Variants in ABCG5 observed in about 807,000 individuals in gnomAD.
The protein encoded by ABCG5 is ATP-binding cassette sub-family G member 5.
Under a neutral mutation model 64.5 loss-of-function variants are expected in ABCG5, and 64 were observed. That is an observed-to-expected ratio of 0.99 (90% CI 0.81 to 1.22). The LOEUF (loss-of-function observed/expected upper bound fraction) is 1.22. Ranked by LOEUF, ABCG5 falls within the 50% of genes most tolerant of loss-of-function variation. ABCG5 has a pLI of 0.00. For synonymous variants in ABCG5, 385 were observed against 326.3 expected (o/e 1.18, Z -1.94); for missense variants, 908 against 829.5 (o/e 1.09, Z -1.16).
At chr2:43,829,538 C>T (rs986855874) in intron 4 of ABCG5, among the ~76,000 whole-genome samples, 1 of 152,156 alleles carries the variant, frequency 6.6e-6, no homozygotes, top group African/African-American at 2.4e-5. Context: ...AAATTCTTTA[C>T]TGAATTTCTA....
downstream of ABCG5, chr2:43,810,574 G>A (rs1045686489): frequency 1.9e-5 from 18 of 944,634 alleles, no homozygotes; most frequent in Admixed American, 1.9e-4. Flanking sequence ...GTTCTTCCAT[G>A]TCCACATACA....
chr2:43,820,582 CAGGT>C (rs1397362561), intron 10 of ABCG5, among the ~76,000 whole-genome samples: 1 of 152,190 alleles, frequency 6.6e-6, no homozygotes, highest in Non-Finnish European at 1.5e-5. Flanking sequence ...TGTCCTCGAT[CAGGT>C]TAGCCCTCCC....
At chr2:43,823,392 C>G (rs998495938) in intron 9 of ABCG5, among the ~76,000 whole-genome samples, 1 of 150,350 alleles carries the variant, frequency 6.7e-6, no homozygotes, top group Non-Finnish European at 1.5e-5. Flanking sequence ...TCTAGAGCAA[C>G]TTCACAATAG....
Position 43,838,663 on chromosome 2 carries a change from G to A in ABCG5, c.17C>T (p.Ser6Phe). ...ACCCATGGACCCTCCGGGGGTCAAA[G>A]ATGAGAGGTCACCCATGGCCAACAG... MGDLS[S>F]LTPGGSMGLQ... is the part of the protein sequence containing the mutation. Residue 6 changes from serine to phenylalanine, a missense_variant, in exon 1 of 13, where the codon TCT becomes TTT. Transcript: ENST00000405322. The surrounding 1 kb of genome is among the most constrained non-coding windows in gnomAD (Gnocchi z 4.2). 6.2e-7 allele frequency: 1 copy of A among 1,613,722 alleles called. No individual in the cohort carries two copies. The highest frequency in any genetic ancestry group is 8.5e-7 in the Non-Finnish European group (1 of 1,179,986).
chr2:43,824,769 T>G, intron 7 of ABCG5, 120 bp downstream of exon 7: 1 of 1,506,142 alleles, frequency 6.6e-7, no homozygotes, highest in South Asian at 1.2e-5. Context: ...CCTTGAAGAG[T>G]ATAAAACACA....
rs765847597 is a variant in ABCG5 at position 43,825,013 on chromosome 2, A to G, written c.780T>C (p.Phe260=). 32 of 1,613,632 alleles carry G rather than the reference A, an allele frequency of 2.0e-5. No individual in the cohort carries two copies. In the Admixed American group the frequency reaches 5.2e-4, roughly 26 times the overall value. ...HQPRSELFQL[F]DKIAILSFGE... ...CGAAGCTCAGGATGGCAATTTTGTC[A>G]AAGAGCTGACCAGACAACAGACGTA... Residue 260 remains phenylalanine (F), a synonymous_variant, in exon 7 of 13, where the codon TTT becomes TTC. Coordinates refer to ENST00000405322, the MANE Select transcript of ABCG5 (RefSeq NM_022436.3).
downstream of ABCG5, chr2:43,810,576 C>A: frequency 1.1e-6 from 1 of 938,610 alleles, no homozygotes; most frequent in Non-Finnish European, 1.3e-6. Context: ...TCTTCCATGT[C>A]CACATACAAA....
At position 43,831,755 on chromosome 2, in the gene ABCG5, G is replaced by A. The variant is rs747305034; in HGVS notation, c.501+14C>T. The A allele has an allele frequency of 3.8e-6, 6 of 1,566,168 alleles. No individual in the cohort carries two copies. The highest frequency in any genetic ancestry group is 2.3e-5 in the East Asian group (1 of 43,428). ...TACTCAGTTTGCCCTCTGTGAGCGG[G>A]GGGCTGCACCCACCTTCTTCTGGAA... On this transcript the variant is annotated intron_variant, in intron 4 of 12. Transcript: ENST00000405322.
rs1375683806 is a variant in ABCG5 at position 43,838,412 on chromosome 2, G to A, written c.143+125C>T. The A allele has an allele frequency of 1.8e-5, 16 of 896,998 alleles. No individual in the cohort carries two copies. The highest frequency in any genetic ancestry group is 3.4e-5 in the African/African-American group (2 of 59,604). 55.6% of individuals were successfully genotyped at this position (896,998 alleles called of 1,614,324 possible). ...CCTTCTCCCTCTCCTCTCTCCACCCGATCCACTAAAGAGGGAGCCCGAAGT... is the reference window on the plus strand; with the variant it reads ...CCTTCTCCCTCTCCTCTCTCCACCCAATCCACTAAAGAGGGAGCCCGAAGT... On this transcript the variant is annotated intron_variant, in intron 1 of 12. Transcript: ENST00000405322. The surrounding 1 kb of genome is among the most constrained non-coding windows in gnomAD (Gnocchi z 4.2).
At chr2:43,823,404 G>A (rs542855285) in intron 9 of ABCG5, among the ~76,000 whole-genome samples, 5 of 151,930 alleles carry the variant, frequency 3.3e-5, no homozygotes, top group Admixed American at 6.6e-5. Flanking sequence ...TCACAATAGC[G>A]AAGTCCTTCC....
chr2:43,821,435 A>G (rs911036639), intron 10 of ABCG5, among the ~76,000 whole-genome samples: 1 of 152,122 alleles, frequency 6.6e-6, no homozygotes, highest in African/African-American at 2.4e-5. Flanking sequence ...GGACTTAAAT[A>G]TTACTCAAAA....
rs137996263 is a variant in ABCG5 at position 43,813,220 on chromosome 2, A to G, written c.1852T>C (p.Ser618Pro). The G allele has an allele frequency of 1.2e-5, 20 of 1,612,078 alleles. No individual in the cohort carries two copies. Among genetic ancestry groups the G allele is most frequent in the Admixed American group, 3.3e-5 (2 of 59,986 alleles). Residue 618 changes from serine (S) to proline (P), a missense_variant, in exon 13 of 13, where the codon TCT becomes CCT. Ser to Pro is a moderately conservative substitution (Grantham distance 74). Coordinates refer to ENST00000405322, the MANE Select transcript of ABCG5 (RefSeq NM_022436.3). Reference sequence around the variant, plus strand: ...ATCAGAAAGTTCATTGTGAATCTAGATGTTGCACCTGGGCAGGTTTTCTCA... The same window carrying G: ...ATCAGAAAGTTCATTGTGAATCTAGGTGTTGCACCTGGGCAGGTTTTCTCA... ...FIEKTCPGAT[S>P]RFTMNFLILY...
chr2:43,829,581 G>A (rs555985377), intron 4 of ABCG5, among the ~76,000 whole-genome samples: 69 of 151,994 alleles, frequency 4.5e-4, no homozygotes, highest in Non-Finnish European at 9.1e-4. Flanking sequence ...CTCCCTCACT[G>A]TCTTTCCTTC....
intron 4 of ABCG5, 79 bp from the exon 5 acceptor site, chr2:43,828,194 A>G: frequency 6.2e-7 from 1 of 1,602,384 alleles, no homozygotes; most frequent in Non-Finnish European, 8.5e-7. Flanking sequence ...GAGGACATGA[A>G]AGAGGCAGCA....
intron 2 of ABCG5, among the ~76,000 whole-genome samples, chr2:43,835,998 A>G (rs1009969682): frequency 6.6e-6 from 1 of 151,652 alleles, no homozygotes; most frequent in African/African-American, 2.4e-5. Flanking sequence ...GTGCAGTGGC[A>G]CAATCTTGGC....
chr2:43,831,520 G>A (rs1667945599), intron 4 of ABCG5, among the ~76,000 whole-genome samples: 1 of 152,144 alleles, frequency 6.6e-6, no homozygotes, highest in Non-Finnish European at 1.5e-5. Context: ...CTCAGACTAA[G>A]AGTCTGAAAT....
At position 43,838,721 on chromosome 2, in the gene ABCG5, G is replaced by T. The variant is rs1013919057; in HGVS notation, c.-42C>A. ...AGCTGGGCAAATTTTCTGGTGGCCG[G>T]ACCCTCCCCAGAGTGGCTTCAGTTG... On this transcript the variant is annotated 5_prime_UTR_variant, in exon 1 of 13. Transcript: ENST00000405322. The surrounding 1 kb of genome is among the most constrained non-coding windows in gnomAD (Gnocchi z 4.2). The T allele has an allele frequency of 1.2e-6, 2 of 1,607,238 alleles. No homozygotes were observed. Among genetic ancestry groups the T allele is most frequent in the African/African-American group, 2.7e-5 (2 of 74,724 alleles).
At chr2:43,808,579 A>G (rs1446166904), downstream of ABCG5, among the ~76,000 whole-genome samples, 1 of 152,228 alleles carries the variant, frequency 6.6e-6, no homozygotes, top group Non-Finnish European at 1.5e-5. Flanking sequence ...TTTACATGTC[A>G]GTTGCCTTGT....
chr2:43,821,856 A>G (rs940984328), intron 10 of ABCG5, among the ~76,000 whole-genome samples: 1 of 150,386 alleles, frequency 6.6e-6, no homozygotes, highest in African/African-American at 2.5e-5. Flanking sequence ...CATCATCTCT[A>G]TTTTTCATTC....
Sources: gnomAD v4.1 joint callset for allele counts (sites outside exome capture counted in the v4.1 genomes callset) on GRCh38, gnomAD v4.1.1 for gene constraint, Gnocchi (gnomAD v3.1) non-coding constraint, MANE v1.5 for transcripts, NCBI Gene and HGNC (gene_info 2026-07-23, HGNC 2026-07-21) for gene names.